The following NTM variants were observed in gnomAD, a reference collection of about 807,000 sequenced individuals.
NTM encodes IgLON family member 2.
NTM carries 13 observed loss-of-function variants against 42.1 expected under a neutral mutation model. The ratio of observed to expected loss-of-function variants is 0.31; its 90% CI spans 0.20 to 0.49. The LOEUF is 0.49. Among genes scored for constraint, NTM ranks in the 20% least tolerant of loss-of-function variants. The pLI, the probability that NTM is intolerant of heterozygous loss-of-function variation, is 0.99. For missense variants in NTM, 373 were observed against 452.8 expected, an observed-to-expected ratio of 0.82 and a Z score of 1.60; for synonymous variants, 187 against 179.2, an observed-to-expected ratio of 1.04 and a Z score of -0.35.
intron 4 of NTM, 152 bp from the exon 5 acceptor site, chr11:132,307,537 G>A: frequency 9.9e-7 from 1 of 1,007,156 alleles, no homozygotes; most frequent in Non-Finnish European, 1.4e-6. Flanking sequence ...AGAAGAGACG[G>A]AGGAGGGATA....
At chr11:131,550,924 G>A (rs573334505) in intron 1 of NTM, among the ~76,000 whole-genome samples, 6 of 152,248 alleles carry the variant, frequency 3.9e-5, no homozygotes, top group Admixed American at 1.3e-4. Context: ...CAAGTGTTAC[G>A]TAGTTTGTTA....
At chr11:131,413,311 A>G (rs1946611796) in intron 1 of NTM, among the ~76,000 whole-genome samples, 1 of 152,266 alleles carries the variant, frequency 6.6e-6, no homozygotes, top group African/African-American at 2.4e-5. Flanking sequence ...GCCTTTAAAT[A>G]GCATTTTATT....
At chr11:131,691,183 G>C (rs940510471) in intron 1 of NTM, among the ~76,000 whole-genome samples, 3 of 152,166 alleles carry the variant, frequency 2.0e-5, no homozygotes, top group Non-Finnish European at 2.9e-5. Context: ...CCCCGGCCCT[G>C]CACCCACAGC....
intron 1 of NTM, among the ~76,000 whole-genome samples, chr11:131,568,318 C>T (rs2057100463): frequency 6.6e-6 from 1 of 152,152 alleles, no homozygotes; most frequent in African/African-American, 2.4e-5. Flanking sequence ...AATATTAGAT[C>T]CATTCTACAG....
intron 1 of NTM, among the ~76,000 whole-genome samples, chr11:131,830,453 C>T (rs1197608291): frequency 6.6e-6 from 1 of 152,080 alleles, no homozygotes; most frequent in Non-Finnish European, 1.5e-5. Context: ...TTTTTGTCGA[C>T]TTTGTCAAAG....
At chr11:131,820,119 T>C (rs1193623335) in intron 1 of NTM, among the ~76,000 whole-genome samples, 1 of 149,348 alleles carries the variant, frequency 6.7e-6, no homozygotes, top group Non-Finnish European at 1.5e-5. Flanking sequence ...AATAATAACA[T>C]AAGCGGCTGC....
intron 2 of NTM, among the ~76,000 whole-genome samples, chr11:131,961,221 C>A (rs910389926): frequency 1.2e-4 from 18 of 152,146 alleles, no homozygotes; most frequent in Non-Finnish European, 2.1e-4. Flanking sequence ...TTGTTCCCTC[C>A]ATTTATTTTG....
rs147892147 is a variant in NTM at position 131,655,764 on chromosome 11, C to A, written c.83-255800C>A. ...ATATGCTCACTGGAATGAAAAGAAA[C>A]ATCTCCTACCCAGCCAAGCTCTGTG... On this transcript the variant is annotated intron_variant, in intron 1 of 8. Transcript: ENST00000683400. Among the ~76,000 whole-genome samples, 1,406 of 152,338 alleles carry A rather than the reference C, an allele frequency of 9.2e-3. 29 individuals are homozygous for A. Among genetic ancestry groups the A allele is most frequent in the African/African-American group, 0.033 (1,356 of 41,572 alleles).
chr11:131,764,104 G>T (rs1234501039), intron 1 of NTM, among the ~76,000 whole-genome samples: 1 of 152,000 alleles, frequency 6.6e-6, no homozygotes, highest in East Asian at 1.9e-4. Context: ...CTAAATAATA[G>T]CATTAATATT....
At position 132,039,747 on chromosome 11, in the gene NTM, G is replaced by A. The variant is rs183388457; in HGVS notation, c.168-106535G>A. On this transcript the variant is annotated intron_variant, in intron 2 of 8. Transcript: ENST00000683400. ...GCAGGTGTGTGGGAATAAGACAGCA[G>A]CAGGAATGTGCGAGTCAACTCCATG... Among the ~76,000 whole-genome samples, 22 of 152,284 alleles carry A rather than the reference G, an allele frequency of 1.4e-4. No individual in the cohort carries two copies. In the East Asian group the frequency reaches 2.9e-3, roughly 20 times the overall value.
chr11:131,972,272 A>C (rs2063670101), intron 2 of NTM, among the ~76,000 whole-genome samples: 2 of 152,056 alleles, frequency 1.3e-5, no homozygotes, highest in Non-Finnish European at 2.9e-5. Context: ...CTTCATAGGG[A>C]TTTACTAAAA....
At chr11:132,321,346 G>A (rs1003479045) in intron 7 of NTM, among the ~76,000 whole-genome samples, 6 of 152,104 alleles carry the variant, frequency 3.9e-5, no homozygotes, top group African/African-American at 1.2e-4. Context: ...GCTGATGGAG[G>A]TGAAAACCAA....
At chr11:131,947,054 G>C (rs965634692) in intron 2 of NTM, among the ~76,000 whole-genome samples, 6 of 152,204 alleles carry the variant, frequency 3.9e-5, no homozygotes, top group Non-Finnish European at 7.3e-5. Context: ...ACATGGATCT[G>C]TACAGACATT....
At chr11:131,876,357 A>G (rs2048538964) in intron 1 of NTM, among the ~76,000 whole-genome samples, 1 of 152,194 alleles carries the variant, frequency 6.6e-6, no homozygotes, top group Non-Finnish European at 1.5e-5. Flanking sequence ...CCGGAGGCCC[A>G]CTGGGTCTCC....
intron 2 of NTM, among the ~76,000 whole-genome samples, chr11:132,117,001 G>A (rs1268518388): frequency 2.6e-5 from 4 of 152,166 alleles, no homozygotes; most frequent in African/African-American, 9.7e-5. Context: ...CTCAAGAGGT[G>A]AGACTATTTC....
At chr11:131,604,195 T>C (rs1462924667) in intron 1 of NTM, among the ~76,000 whole-genome samples, 2 of 152,180 alleles carry the variant, frequency 1.3e-5, no homozygotes, top group Non-Finnish European at 2.9e-5. Flanking sequence ...CTTGTTATGA[T>C]CTGTCTTTTT....
chr11:131,927,444 T>A (rs770648710), intron 2 of NTM, among the ~76,000 whole-genome samples: 47 of 152,174 alleles, frequency 3.1e-4, no homozygotes, highest in Admixed American at 7.2e-4. Flanking sequence ...CTAGGAAGAC[T>A]TGGAGAGTTA....
chr11:131,933,558 G>T (rs1394340671), intron 2 of NTM, among the ~76,000 whole-genome samples: 1 of 152,068 alleles, frequency 6.6e-6, no homozygotes, highest in Non-Finnish European at 1.5e-5. Context: ...CTTGTGCTGT[G>T]GTTTGCTCCT....
intron 1 of NTM, among the ~76,000 whole-genome samples, chr11:131,503,532 T>TTTA (rs1346058576): frequency 6.6e-6 from 1 of 151,776 alleles, no homozygotes; most frequent in African/African-American, 2.4e-5. Flanking sequence ...TTACAATTTT[T>TTTA]TTTTTTTTGA....
Sources: allele counts gnomAD v4.1 joint callset (sites outside exome capture counted in the v4.1 genomes callset), GRCh38; gene constraint gnomAD v4.1.1; transcripts MANE v1.5; gene names NCBI Gene and HGNC (gene_info 2026-07-23, HGNC 2026-07-21).